The following SYNDIG1 variants were observed in gnomAD, a reference collection of about 807,000 sequenced individuals.
SYNDIG1 encodes the protein synapse differentiation-inducing gene protein 1.
A neutral mutation model predicts 19.4 loss-of-function variants in SYNDIG1; 9 were observed. The observed-to-expected ratio is 0.46, with a 90% CI of 0.28 to 0.81. SYNDIG1 has a LOEUF of 0.81. Among genes scored for constraint, SYNDIG1 ranks in the 30% least tolerant of loss-of-function variants. The pLI is 0.12. For synonymous variants in SYNDIG1, 141 were observed against 145.9 expected, an observed-to-expected ratio of 0.97 and a Z score of 0.24; for missense variants, 311 against 343.3, an observed-to-expected ratio of 0.91 and a Z score of 0.74.
At chr20:24,516,799 C>T (rs1029067351) in intron 1 of SYNDIG1, among the ~76,000 whole-genome samples, 1 of 152,074 alleles carries the variant, frequency 6.6e-6, no homozygotes, top group African/African-American at 2.4e-5. Flanking sequence ...ACCATTTGAC[C>T]CAGCCATCTC....
At chr20:24,614,315 T>C (rs1157613573) in intron 3 of SYNDIG1, among the ~76,000 whole-genome samples, 2 of 152,246 alleles carry the variant, frequency 1.3e-5, no homozygotes, top group African/African-American at 4.8e-5. Context: ...CACTCTGAGA[T>C]ATTAATGTGC....
intron 1 of SYNDIG1, among the ~76,000 whole-genome samples, chr20:24,483,760 C>G (rs2055868458): frequency 6.6e-6 from 1 of 152,110 alleles, no homozygotes; most frequent in Admixed American, 6.5e-5. Context: ...GTGGCAGACC[C>G]CAGAGACAGA....
rs554471355 is a variant in SYNDIG1, at chr20:24,634,476, C to T, written c.619-30870C>T. On this transcript the variant is annotated intron_variant, in intron 3 of 3. Coordinates refer to ENST00000376862, the MANE Select transcript of SYNDIG1 (RefSeq NM_024893.3). Reference sequence around the variant, plus strand: ...TACTGTAACTTCTCCTCCAGAAGTCCGTACCAGTTTTCATTCCTATTAACA... The same window carrying T: ...TACTGTAACTTCTCCTCCAGAAGTCTGTACCAGTTTTCATTCCTATTAACA... 2.1e-4 allele frequency among the ~76,000 whole-genome samples: 32 copies of T among 152,256 alleles called. No homozygotes were observed. The South Asian group carries it at 4.8e-3, about 23-fold the overall frequency.
chr20:24,580,515 A>G (rs1258870157), intron 2 of SYNDIG1, among the ~76,000 whole-genome samples: 1 of 152,032 alleles, frequency 6.6e-6, no homozygotes, highest in Non-Finnish European at 1.5e-5. Flanking sequence ...GGTTCAAGCA[A>G]TCTTCTGCCT....
intron 1 of SYNDIG1, chr20:24,495,457 C>A (rs541395724): frequency 6.6e-6 from 1 of 152,312 alleles, no homozygotes; most frequent in African/African-American, 2.4e-5. Flanking sequence ...CCCGAGCTGA[C>A]GGATTCTCTG....
chr20:24,624,162 A>G (rs1361525890), intron 3 of SYNDIG1, among the ~76,000 whole-genome samples: 1 of 151,704 alleles, frequency 6.6e-6, no homozygotes, highest in Non-Finnish European at 1.5e-5. Context: ...CTTGGGAGGC[A>G]GAAGAATGGC....
intron 3 of SYNDIG1, among the ~76,000 whole-genome samples, chr20:24,597,775 G>A (rs1410309789): frequency 6.6e-6 from 1 of 152,134 alleles, no homozygotes; most frequent in Non-Finnish European, 1.5e-5. Context: ...TTCTCCCTTT[G>A]GAAGCAAAAG....
intron 1 of SYNDIG1, chr20:24,495,271 C>G (rs2056269333): frequency 6.6e-6 from 1 of 152,220 alleles, no homozygotes; most frequent in Non-Finnish European, 1.5e-5. Context: ...GCCCTCAGCT[C>G]ACTTCTGACC....
At chr20:24,473,517 G>T (rs1417828241) in intron 1 of SYNDIG1, among the ~76,000 whole-genome samples, 1 of 152,302 alleles carries the variant, frequency 6.6e-6, no homozygotes. Context: ...TGTTCAAAGA[G>T]CAGATGAAGT....
chr20:24,617,901 G>A (rs1404466510), intron 3 of SYNDIG1, among the ~76,000 whole-genome samples: 4 of 148,080 alleles, frequency 2.7e-5, no homozygotes, highest in Non-Finnish European at 6.0e-5. Context: ...CCCGGGGAGC[G>A]GGGAAAGCCT....
At chr20:24,651,331 A>G (rs889137782) in intron 3 of SYNDIG1, among the ~76,000 whole-genome samples, 1 of 152,194 alleles carries the variant, frequency 6.6e-6, no homozygotes, top group Non-Finnish European at 1.5e-5. Context: ...GAATGTCACA[A>G]ATGTATCTCT....
At chr20:24,514,300 A>C (rs190643983) in intron 1 of SYNDIG1, among the ~76,000 whole-genome samples, 108 of 152,346 alleles carry the variant, frequency 7.1e-4, no homozygotes, top group African/African-American at 2.5e-3. Context: ...TAAATGGACT[A>C]ATTGCTCCAA....
rs59178146 is a variant in SYNDIG1, at chr20:24,624,567, AAAG to A, written c.618+39582_618+39584del. ...CATGAGGCAAAAACTGATAGAAATG[AAAG>A]AAGAAGATACAATGGTAGTTAGAGA... On this transcript the variant is annotated intron_variant, in intron 3 of 3. Coordinates refer to ENST00000376862, the MANE Select transcript of SYNDIG1 (RefSeq NM_024893.3). Among the ~76,000 whole-genome samples the A allele has an allele frequency of 9.3e-3, 1,413 of 152,318 alleles. 26 individuals are homozygous for A. Among genetic ancestry groups the A allele is most frequent in the African/African-American group, 0.032 (1,322 of 41,564 alleles).
At position 24,511,111 on chromosome 20, in the gene SYNDIG1, T is replaced by C. The variant is rs1002583654; in HGVS notation, c.-78-31909T>C. Among the ~76,000 whole-genome samples the C allele has an allele frequency of 3.3e-5, 5 of 152,360 alleles. No homozygotes were observed. In the East Asian group the frequency reaches 7.7e-4, roughly 23 times the overall value. ...AATATCTTAAAAGAGACTTACTTTA[T>C]CTATCACTTGAAATTCTTGGAAAGA... On this transcript the variant is annotated intron_variant, in intron 1 of 3. Coordinates refer to ENST00000376862, the MANE Select transcript of SYNDIG1 (RefSeq NM_024893.3).
At chr20:24,662,627 C>A (rs971520010) in intron 3 of SYNDIG1, among the ~76,000 whole-genome samples, 9 of 152,206 alleles carry the variant, frequency 5.9e-5, no homozygotes, top group East Asian at 1.9e-4. Flanking sequence ...GAAATAGTGT[C>A]TTTGGGTCCT....
intron 2 of SYNDIG1, among the ~76,000 whole-genome samples, chr20:24,580,436 A>G (rs1382558949): frequency 6.6e-6 from 1 of 152,096 alleles, no homozygotes; most frequent in African/African-American, 2.4e-5. Flanking sequence ...TTTGAGACGG[A>G]GCCTCACTCT....
intron 3 of SYNDIG1, among the ~76,000 whole-genome samples, chr20:24,606,492 G>T (rs1181765062): frequency 1.3e-5 from 2 of 152,182 alleles, no homozygotes; most frequent in African/African-American, 4.8e-5. Flanking sequence ...AGCAGGAATT[G>T]CACTTTAAGG....
intron 1 of SYNDIG1, among the ~76,000 whole-genome samples, chr20:24,536,830 T>C (rs894918772): frequency 6.6e-6 from 1 of 152,140 alleles, no homozygotes; most frequent in African/African-American, 2.4e-5. Context: ...GACCCATTTT[T>C]CAAATAAAAT....
At chr20:24,489,977 G>T (rs1414641039) in intron 1 of SYNDIG1, among the ~76,000 whole-genome samples, 1 of 152,230 alleles carries the variant, frequency 6.6e-6, no homozygotes, top group African/African-American at 2.4e-5. Context: ...GGTGCCATCT[G>T]TGTGTGGCCC....
Sources: allele counts gnomAD v4.1 joint callset (sites outside exome capture counted in the v4.1 genomes callset), GRCh38; gene constraint gnomAD v4.1.1; transcripts MANE v1.5; gene names NCBI Gene and HGNC (gene_info 2026-07-23, HGNC 2026-07-21).